Variants in RBFOX1 observed in about 807,000 individuals in gnomAD.
The protein encoded by RBFOX1 is RNA binding fox-1 homolog 1.
A neutral mutation model predicts 57.7 loss-of-function variants in RBFOX1; 8 were observed. The ratio of observed to expected loss-of-function variants is 0.14; its 90% CI spans 0.08 to 0.25. The LOEUF is 0.25. Ranked by LOEUF, RBFOX1 falls within the 10% of genes least tolerant of loss-of-function variation. The pLI is 1.00. For missense variants in RBFOX1, 611 were observed against 548.5 expected, an observed-to-expected ratio of 1.11 and a Z score of -1.14; for synonymous variants, 326 against 222.4, an observed-to-expected ratio of 1.47 and a Z score of -4.15.
At chr16:5,654,813 C>T (rs556459505) in intron 3 of RBFOX1, among the ~76,000 whole-genome samples, 14 of 152,218 alleles carry the variant, frequency 9.2e-5, no homozygotes, top group African/African-American at 3.1e-4. Context: ...CTCTGTCCCT[C>T]GCTCTCTCCC....
chr16:6,600,553 T>C (rs1044756496), intron 2 of RBFOX1, among the ~76,000 whole-genome samples: 2 of 152,202 alleles, frequency 1.3e-5, no homozygotes, highest in Admixed American at 6.5e-5. Context: ...GTGGTGATTA[T>C]AAGATGTAAT....
intron 1 of RBFOX1, among the ~76,000 whole-genome samples, chr16:5,448,869 T>C (rs2068334046): frequency 6.6e-6 from 1 of 152,164 alleles, no homozygotes; most frequent in Non-Finnish European, 1.5e-5. Context: ...GACATTTTTA[T>C]TCCTAAAGCT....
At chr16:6,932,804 G>C (rs772618370) in intron 3 of RBFOX1, among the ~76,000 whole-genome samples, 8 of 152,254 alleles carry the variant, frequency 5.3e-5, no homozygotes, top group East Asian at 1.9e-4. Flanking sequence ...ATTAAATATA[G>C]TCACACTGTT....
intron 4 of RBFOX1, among the ~76,000 whole-genome samples, chr16:7,127,311 G>A (rs1314839382): frequency 6.6e-6 from 1 of 152,090 alleles, no homozygotes; most frequent in East Asian, 1.9e-4. Context: ...GTGTTTGCTT[G>A]GTCTCAAGAG....
At chr16:6,534,891 G>T (rs975498408) in intron 2 of RBFOX1, among the ~76,000 whole-genome samples, 2 of 152,110 alleles carry the variant, frequency 1.3e-5, no homozygotes, top group Non-Finnish European at 2.9e-5. Context: ...GTCCAATGAG[G>T]CATATCCTAG....
At chr16:5,391,618 C>T (rs183026658) in intron 1 of RBFOX1, among the ~76,000 whole-genome samples, 57 of 152,256 alleles carry the variant, frequency 3.7e-4, no homozygotes, top group African/African-American at 1.2e-3. Context: ...GTTCGTTCCT[C>T]CTGAAGGCTG....
intron 3 of RBFOX1, among the ~76,000 whole-genome samples, chr16:7,022,914 G>T (rs758663934): frequency 3.0e-4 from 46 of 152,162 alleles, no homozygotes; most frequent in Non-Finnish European, 3.7e-4. Context: ...GCACCCCATT[G>T]TCTCACTCTT....
rs115113340 is a variant in RBFOX1, at chr16:6,651,747, A to G, written c.-63-2856A>G. Among the ~76,000 whole-genome samples, 763 of 152,312 alleles carry G rather than the reference A, an allele frequency of 5.0e-3. 6 individuals are homozygous for G. Among genetic ancestry groups the G allele is most frequent in the African/African-American group, 0.017 (725 of 41,552 alleles). ...CTTGAAAGCAGGGAGTTGAATAGAT[A>G]CGTACACACCCGTGTTCATAGCAGC... is the stretch of plus-strand genomic sequence containing the variant. On this transcript the variant is annotated intron_variant, in intron 2 of 15. Transcript: ENST00000550418.
At chr16:5,571,294 C>T (rs926238475) in intron 2 of RBFOX1, among the ~76,000 whole-genome samples, 1 of 141,064 alleles carries the variant, frequency 7.1e-6, no homozygotes, top group Non-Finnish European at 1.5e-5. Context: ...GATCTCAGCT[C>T]ACTGCAGCCT....
At chr16:5,381,476 A>G (rs2066129507) in intron 1 of RBFOX1, among the ~76,000 whole-genome samples, 1 of 152,154 alleles carries the variant, frequency 6.6e-6, no homozygotes, top group East Asian at 1.9e-4. Context: ...AGGGCTCAAG[A>G]TTCTGCATTT....
At chr16:5,468,554 T>A (rs575353348) in intron 2 of RBFOX1, among the ~76,000 whole-genome samples, 1 of 152,274 alleles carries the variant, frequency 6.6e-6, no homozygotes, top group Non-Finnish European at 1.5e-5. Flanking sequence ...CTCCTACATA[T>A]ATACCCCAAA....
chr16:7,032,135 C>G (rs1273019411), intron 3 of RBFOX1, among the ~76,000 whole-genome samples: 2 of 151,964 alleles, frequency 1.3e-5, no homozygotes, highest in East Asian at 1.9e-4. Context: ...TTTTAAAAAT[C>G]TTATCTTGGC....
At chr16:5,523,285 CAA>C (rs201036250) in intron 2 of RBFOX1, among the ~76,000 whole-genome samples, 1 of 151,006 alleles carries the variant, frequency 6.6e-6, no homozygotes, top group Admixed American at 6.6e-5. Context: ...GACTCTGTTT[CAA>C]AAAAAACAGG....
At chr16:7,518,950 GA>G (rs2076971682) in intron 5 of RBFOX1, among the ~76,000 whole-genome samples, 1 of 152,204 alleles carries the variant, frequency 6.6e-6, no homozygotes, top group Non-Finnish European at 1.5e-5. Flanking sequence ...TTGGGGCCAG[GA>G]GTTTGAGGCT....
intron 4 of RBFOX1, among the ~76,000 whole-genome samples, chr16:7,143,738 T>C (rs2074329862): frequency 6.6e-6 from 1 of 152,002 alleles, no homozygotes; most frequent in African/African-American, 2.4e-5. Context: ...CATCCATGGG[T>C]TTATTGGTTC....
chr16:6,975,647 C>A (rs77713541), intron 3 of RBFOX1, among the ~76,000 whole-genome samples: 4,601 of 152,170 alleles, frequency 0.03, 248 homozygotes, highest in African/African-American at 0.11. Context: ...AAAGACTGAG[C>A]CACATGATCA....
intron 2 of RBFOX1, among the ~76,000 whole-genome samples, chr16:6,653,869 G>A (rs2098622964): frequency 6.6e-6 from 1 of 151,780 alleles, no homozygotes; most frequent in South Asian, 2.1e-4. Flanking sequence ...TGGCTGGGTG[G>A]ATAGCTGGAT....
intron 4 of RBFOX1, among the ~76,000 whole-genome samples, chr16:7,154,850 A>G (rs1425162229): frequency 6.6e-6 from 1 of 152,110 alleles, no homozygotes; most frequent in East Asian, 1.9e-4. Flanking sequence ...TGAAGTTTGA[A>G]GTTTGTATTG....
chr16:7,216,912 A>T (rs572550169), intron 4 of RBFOX1, among the ~76,000 whole-genome samples: 1 of 152,068 alleles, frequency 6.6e-6, no homozygotes, highest in South Asian at 2.1e-4. Flanking sequence ...CCCATTTTAT[A>T]CCCAAGGAAA....
Sources: gnomAD v4.1 joint callset for allele counts (sites outside exome capture counted in the v4.1 genomes callset) on GRCh38, gnomAD v4.1.1 for gene constraint, MANE v1.5 for transcripts, NCBI Gene and HGNC (gene_info 2026-07-23, HGNC 2026-07-21) for gene names.